Variants in COL8A2 observed in about 807,000 individuals in gnomAD.
COL8A2 encodes collagen alpha-2(VIII) chain.
A neutral mutation model predicts 24.0 loss-of-function variants in COL8A2; 16 were observed. The observed-to-expected ratio is 0.67, with a 90% confidence interval of 0.45 to 1.01. COL8A2 has a LOEUF of 1.01. COL8A2 is among the 50% of genes least tolerant of loss of function. COL8A2 has a pLI of 0.00. For synonymous variants in COL8A2, 466 were observed against 424.5 expected, an observed-to-expected ratio of 1.10 and a Z score of -1.20; for missense variants, 818 against 942.4, an observed-to-expected ratio of 0.87 and a Z score of 1.73.
chr1:36,099,117 C>A lies in COL8A2; in HGVS notation c.564G>T (p.Gly188=). The A allele has an allele frequency of 6.6e-7, 1 of 1,508,140 alleles. No homozygotes were observed. Among genetic ancestry groups the A allele is most frequent in the East Asian group, 2.3e-5 (1 of 43,194 alleles). The allele number at this position is 1,508,140 out of a possible 1,614,324, so 93.4% of individuals were successfully genotyped here. A position where few individuals can be genotyped will look rare whatever the true frequency, so the allele number is the denominator to read the frequency against. ...QGVPGPPGFQ[G]EPGPQGEPGP... ...CAGGCTCCCCCTGGGGCCCTGGTTC[C>A]CCCTGGAATCCTGGGGGCCCTGGCA... Residue 188 remains glycine (G), a synonymous_variant, in exon 4 of 4, where the codon GGG becomes GGT. Transcript: ENST00000397799.
At chr1:36,106,484 T>G (rs538654540) in intron 2 of COL8A2, among the ~76,000 whole-genome samples, 14 of 152,094 alleles carry the variant, frequency 9.2e-5, no homozygotes, top group Admixed American at 2.6e-4. Context: ...AATGTTCTGC[T>G]TGGTGGGTGG....
At position 36,097,339 on chromosome 1, in the gene COL8A2, G is replaced by C; in HGVS notation, c.*230C>G. 5 of 541,146 alleles carry C rather than the reference G, an allele frequency of 9.2e-6. No individual in the cohort carries two copies. Among genetic ancestry groups the C allele is most frequent in the Admixed American group, 3.1e-5 (1 of 31,896 alleles). The allele number at this position is 541,146 out of a possible 1,614,324, so 33.5% of individuals were successfully genotyped here. The stretch of plus-strand genomic sequence containing the variant: ...GGCTGTGTGCCTCAGGGCCTATGGG[G>C]TGCAGCCCTGACACTGCACAGACAT... On this transcript the variant is annotated 3_prime_UTR_variant, in exon 4 of 4. Coordinates refer to ENST00000397799, the MANE Select transcript of COL8A2 (RefSeq NM_005202.4).
chr1:36,117,737 G>A (rs915724137), intron 1 of COL8A2, among the ~76,000 whole-genome samples: 3 of 152,004 alleles, frequency 2.0e-5, no homozygotes, highest in Non-Finnish European at 4.4e-5. Flanking sequence ...GAAAAGTAGA[G>A]CCTGGAGCTG....
At chr1:36,099,689 A>G (rs1384178545) in intron 3 of COL8A2, among the ~76,000 whole-genome samples, 2 of 152,098 alleles carry the variant, frequency 1.3e-5, no homozygotes, top group Non-Finnish European at 2.9e-5. Flanking sequence ...AAGGGCTCCT[A>G]ACACCCAACC....
intron 1 of COL8A2, among the ~76,000 whole-genome samples, chr1:36,116,335 G>T (rs1204801342): frequency 1.4e-4 from 22 of 152,218 alleles, no homozygotes; most frequent in Non-Finnish European, 1.5e-4. Flanking sequence ...TACTGTCCTA[G>T]GGCCCAGGCT....
rs1004232117 is a variant in COL8A2 at position 36,125,148 on chromosome 1, C to CG, written c.-154dup. 1.8e-5 allele frequency: 12 copies of CG among 676,092 alleles called. No homozygotes were observed. In the African/African-American group the frequency reaches 2.4e-4, roughly 13 times the overall value. The allele number at this position is 676,092 out of a possible 1,614,324, so 41.9% of individuals were successfully genotyped here. A position where few individuals can be genotyped will look rare whatever the true frequency, so the allele number is the denominator to read the frequency against. On this transcript the variant is annotated 5_prime_UTR_variant, in exon 1 of 4. Transcript: ENST00000397799. This position sits in a 1 kb window ranked among gnomAD's most constrained non-coding sequence, Gnocchi z 4.5. ...GCAGGGGCGTCCGCGGCTGGGCGGGCGGCGTTGGGGTCCGGGGTCCGCGCC... is the reference window on the plus strand; with the variant it reads ...GCAGGGGCGTCCGCGGCTGGGCGGGCGGGCGTTGGGGTCCGGGGTCCGCGCC...
Position 36,097,995 on chromosome 1 carries a change from T to C in COL8A2, c.1686A>G (p.Pro562=). ...CAGACAGCTCGCCCAGCCCAAACTG[T>C]GGCTTGCCCCCCTTGCCCAGCACGG... ...EGAVLGKGGK[P]QFGLGELSAH... The change falls in exon 4 of 4, where the codon CCA becomes CCG. Residue 562 remains proline (P), a synonymous_variant. Transcript: ENST00000397799. 3.7e-6 allele frequency: 6 copies of C among 1,603,146 alleles called. No individual in the cohort carries two copies. The highest frequency in any genetic ancestry group is 2.2e-5 in the South Asian group (2 of 90,630).
chr1:36,109,025 C>CAACGGACCGGCAG (rs1211077612), intron 2 of COL8A2, among the ~76,000 whole-genome samples: 1 of 152,172 alleles, frequency 6.6e-6, no homozygotes, highest in Non-Finnish European at 1.5e-5. Context: ...GCTAGGTTCC[C>CAACGGACCGGCAG]AACGGACCGG....
rs913852663 is a variant in COL8A2, at chr1:36,095,584, C to T, written c.*1985G>A. On this transcript the variant is annotated 3_prime_UTR_variant, in exon 4 of 4. Transcript: ENST00000397799. Reference sequence around the variant, plus strand: ...TCAAATCCCATAAACATTTTAGAAACGCCAACCACCCCTCCTGAAAGGTTT... The same window carrying T: ...TCAAATCCCATAAACATTTTAGAAATGCCAACCACCCCTCCTGAAAGGTTT... 38 of 152,162 alleles carry T rather than the reference C, an allele frequency of 2.5e-4. No homozygotes were observed. The highest frequency in any genetic ancestry group is 9.2e-4 in the African/African-American group (38 of 41,444). The allele number at this position is 152,162 out of a possible 1,614,324, so 9.4% of individuals were successfully genotyped here.
Position 36,095,902 on chromosome 1 carries a change from T to G in COL8A2, c.*1667A>C, listed in dbSNP as rs2124064946. ...TTCTCAAGTGTCACTTGGGCAGATT[T>G]GGGTTATCATTCCTCCTTTTGAAGA... On this transcript the variant is annotated 3_prime_UTR_variant, in exon 4 of 4. Coordinates refer to ENST00000397799, the MANE Select transcript of COL8A2 (RefSeq NM_005202.4). 6.6e-6 allele frequency: 1 copy of G among 152,332 alleles called. No individual in the cohort carries two copies. The highest frequency in any genetic ancestry group is 1.5e-5 in the Non-Finnish European group (1 of 68,030). 9.4% of individuals were successfully genotyped at this position (152,332 alleles called of 1,614,324 possible).
rs766331675 is a variant in COL8A2 at position 36,097,757 on chromosome 1, C to T, written c.1924G>A (p.Val642Met). The T allele has an allele frequency of 9.3e-6, 15 of 1,613,722 alleles. No homozygotes were observed. The highest frequency in any genetic ancestry group is 1.3e-5 in the African/African-American group (1 of 74,926). ...TCATCGTAGGTATAGGTGGCCGGCA[C>T]GTTGTTCTTGTACAGGGCCACCCAC... Reference protein sequence around the residue: ...NVWVALYKNNVPATYTYDEYK... With the variant: ...NVWVALYKNNMPATYTYDEYK... Residue 642 changes from valine to methionine, a missense_variant, in exon 4 of 4, where the codon GTG becomes ATG. Physicochemically the swap from Val to Met is conservative, Grantham distance 21. This residue lies in a region of COL8A2 where 235 missense variants were observed against 297.3 expected (regional missense o/e 0.79). Transcript: ENST00000397799.
chr1:36,102,678 T>TTG (rs1553177896), intron 2 of COL8A2, among the ~76,000 whole-genome samples: 1 of 137,884 alleles, frequency 7.3e-6, no homozygotes, highest in African/African-American at 2.7e-5. Flanking sequence ...TTTGTTTTTT[T>TTG]TTTTTTTTTT....
chr1:36,106,019 C>T lies in COL8A2; in HGVS notation c.-16-5761G>A, dbSNP rs274757. 9.7e-3 allele frequency among the ~76,000 whole-genome samples: 1,471 copies of T among 151,204 alleles called. 34 individuals are homozygous for T. The highest frequency in any genetic ancestry group is 0.034 in the African/African-American group (1,378 of 41,124). ...AGGGCGCGGTGGCTCACCTGTAATC[C>T]CAGCATTTTGGGAGGCCGAGGCAGG... On this transcript the variant is annotated intron_variant, in intron 2 of 3. Transcript: ENST00000397799.
intron 1 of COL8A2, among the ~76,000 whole-genome samples, chr1:36,124,431 G>A (rs1489854395): frequency 3.3e-5 from 5 of 151,998 alleles, no homozygotes; most frequent in East Asian, 1.9e-4. Context: ...GCCAGGCAGC[G>A]GCCCCTCACC....
chr1:36,098,293 C>T lies in COL8A2; in HGVS notation c.1388G>A (p.Gly463Glu). Residue 463 changes from glycine (G) to glutamate (E), a missense_variant, in exon 4 of 4, where the codon GGA becomes GAA. Physicochemically the swap from Gly to Glu is moderately conservative, Grantham distance 98. Coordinates refer to ENST00000397799, the MANE Select transcript of COL8A2 (RefSeq NM_005202.4). Reference sequence around the variant, plus strand: ...AGCTGGACCCTGGAGTCCTGGGATTCCTGAGGGACCCCTCAGGCCAGGCTG... The same window carrying T: ...AGCTGGACCCTGGAGTCCTGGGATTTCTGAGGGACCCCTCAGGCCAGGCTG... The part of the protein sequence containing the change: ...PGQPGLRGPS[G>E]IPGLQGPAGP... 1 of 1,547,274 alleles carries T rather than the reference C, an allele frequency of 6.5e-7. No homozygotes were observed. Among genetic ancestry groups the T allele is most frequent in the Admixed American group, 2.0e-5 (1 of 51,038 alleles).
At position 36,098,408 on chromosome 1, in the gene COL8A2, G is replaced by A; in HGVS notation, c.1273C>T (p.Pro425Ser). ...CCCGTGAAACCCGGCTCACCCTTGG[G>A]CCCAGTTGGTCCAGGGGGTCCATGG... The part of the protein sequence containing the change: ...GAHGPPGPTG[P>S]KGEPGFTGRP... Residue 425 changes from proline (P) to serine (S), a missense_variant, in exon 4 of 4, where the codon CCC becomes TCC. By Grantham distance (74) the Pro-to-Ser change is moderately conservative. Coordinates refer to ENST00000397799, the MANE Select transcript of COL8A2 (RefSeq NM_005202.4). 1 of 1,579,180 alleles carries A rather than the reference G, an allele frequency of 6.3e-7. No individual in the cohort carries two copies. The highest frequency in any genetic ancestry group is 8.6e-7 in the Non-Finnish European group (1 of 1,162,950).
intron 2 of COL8A2, among the ~76,000 whole-genome samples, chr1:36,102,441 C>G (rs182302883): frequency 1.2e-3 from 183 of 152,072 alleles, no homozygotes; most frequent in African/African-American, 3.9e-3. Flanking sequence ...GCTGGGACCA[C>G]AGGCACGTGC....
chr1:36,122,319 C>G (rs1643919778), intron 1 of COL8A2, among the ~76,000 whole-genome samples: 1 of 152,224 alleles, frequency 6.6e-6, no homozygotes, highest in Non-Finnish European at 1.5e-5. Flanking sequence ...CTCCACACAG[C>G]ACATGCTGCC....
intron 1 of COL8A2, among the ~76,000 whole-genome samples, chr1:36,121,475 C>A (rs1643913827): frequency 6.7e-6 from 1 of 149,746 alleles, no homozygotes; most frequent in African/African-American, 2.5e-5. Flanking sequence ...AATCACAGCA[C>A]TTTGGGAGGC....
Sources: gnomAD v4.1 joint callset for allele counts (sites outside exome capture counted in the v4.1 genomes callset) on GRCh38, gnomAD v4.1.1 for gene constraint, gnomAD v4.1.1 regional missense constraint, Gnocchi (gnomAD v3.1) non-coding constraint, MANE v1.5 for transcripts, NCBI Gene and HGNC (gene_info 2026-07-23, HGNC 2026-07-21) for gene names.